Variants in STIM2 observed in about 807,000 individuals in gnomAD.
The protein encoded by STIM2 is stromal interaction molecule 2.
STIM2 carries 31 observed loss-of-function variants against 85.8 expected under a neutral mutation model. The observed-to-expected ratio is 0.36, with a 90% CI of 0.27 to 0.49. The LOEUF is 0.49. Ranked by LOEUF, STIM2 falls within the 20% of genes least tolerant of loss-of-function variation. STIM2 has a pLI of 0.98. For synonymous variants in STIM2, 356 were observed against 331.1 expected, an observed-to-expected ratio of 1.08 and a Z score of -0.82; for missense variants, 841 against 927.6, an observed-to-expected ratio of 0.91 and a Z score of 1.21.
chr4:26,957,733 C>T lies in STIM2; in HGVS notation c.397+7C>T. On this transcript the variant is annotated splice_region_variant and intron_variant, in intron 3 of 11. Coordinates refer to ENST00000467087, the MANE Select transcript of STIM2 (RefSeq NM_020860.4). Reference sequence around the variant, plus strand: ...CGATGGAAAACATCAGAAGGTAAGACTGCCTTTGTGATCTGGCCCCCTCCC... The same window carrying T: ...CGATGGAAAACATCAGAAGGTAAGATTGCCTTTGTGATCTGGCCCCCTCCC... The T allele has an allele frequency of 6.4e-7, 1 of 1,569,178 alleles. No homozygotes were observed. Among genetic ancestry groups the T allele is most frequent in the South Asian group, 1.2e-5 (1 of 86,578 alleles).
At chr4:26,897,025 A>G (rs976600349) in intron 1 of STIM2, among the ~76,000 whole-genome samples, 2 of 152,180 alleles carry the variant, frequency 1.3e-5, no homozygotes, top group African/African-American at 4.8e-5. Flanking sequence ...GAGAGTATCA[A>G]TTGTTTGTTC....
At chr4:26,876,837 A>C (rs184750608) in intron 1 of STIM2, among the ~76,000 whole-genome samples, 3 of 152,026 alleles carry the variant, frequency 2.0e-5, no homozygotes, top group Admixed American at 6.5e-5. Context: ...GTTTATTTTC[A>C]TGTGGAGATG....
At chr4:26,980,964 G>T (rs1727364714) in intron 3 of STIM2, among the ~76,000 whole-genome samples, 1 of 152,148 alleles carries the variant, frequency 6.6e-6, no homozygotes, top group African/African-American at 2.4e-5. Context: ...GGCACGAAAA[G>T]ATGTTTGAAC....
chr4:26,908,262 A>G (rs1044122791), intron 1 of STIM2, among the ~76,000 whole-genome samples: 1 of 152,082 alleles, frequency 6.6e-6, no homozygotes, highest in Non-Finnish European at 1.5e-5. Flanking sequence ...AAACTAGAAA[A>G]CCTTTTTCTT....
At chr4:26,933,294 G>T (rs1046967765) in intron 2 of STIM2, among the ~76,000 whole-genome samples, 1 of 152,106 alleles carries the variant, frequency 6.6e-6, no homozygotes, top group African/African-American at 2.4e-5. Flanking sequence ...GGGGAAGTTG[G>T]AAAGTTAACA....
chr4:27,000,942 T>A (rs139868070), intron 5 of STIM2, among the ~76,000 whole-genome samples: 1 of 152,164 alleles, frequency 6.6e-6, no homozygotes, highest in Admixed American at 6.6e-5. Context: ...GAATTGAACA[T>A]CTCAGTGTGA....
chr4:26,871,730 A>T (rs1577406274), intron 1 of STIM2, among the ~76,000 whole-genome samples: 1 of 135,754 alleles, frequency 7.4e-6, no homozygotes, highest in Non-Finnish European at 1.5e-5. Context: ...TTTGGTAGAG[A>T]CAGAGTCTGA....
intron 3 of STIM2, among the ~76,000 whole-genome samples, chr4:26,978,724 C>T (rs190354801): frequency 1.6e-4 from 25 of 152,090 alleles, no homozygotes; most frequent in African/African-American, 5.6e-4. Context: ...CTGCCTACTC[C>T]GGGTGATTTG....
chr4:26,909,413 G>A (rs1724250206), intron 1 of STIM2, among the ~76,000 whole-genome samples: 1 of 152,214 alleles, frequency 6.6e-6, no homozygotes, highest in Non-Finnish European at 1.5e-5. Flanking sequence ...GTGGCAGGGT[G>A]AGAATGAATT....
At chr4:26,872,325 T>C (rs1339980718) in intron 1 of STIM2, among the ~76,000 whole-genome samples, 1 of 152,164 alleles carries the variant, frequency 6.6e-6, no homozygotes, top group Non-Finnish European at 1.5e-5. Flanking sequence ...ATTAGTTGTA[T>C]CATAAGCCTG....
intron 1 of STIM2, among the ~76,000 whole-genome samples, chr4:26,868,028 T>G (rs1268366802): frequency 6.6e-6 from 1 of 152,252 alleles, no homozygotes; most frequent in Non-Finnish European, 1.5e-5. Flanking sequence ...ACAAGCATCA[T>G]GGCTGCAGTC....
intron 3 of STIM2, among the ~76,000 whole-genome samples, chr4:26,984,666 T>C (rs1007108010): frequency 3.9e-5 from 6 of 152,152 alleles, no homozygotes; most frequent in African/African-American, 1.4e-4. Flanking sequence ...GCACCCAGCC[T>C]TCAATTTCTA....
rs572155501 is a variant in STIM2, at chr4:26,965,716, C to T, written c.397+7990C>T. On this transcript the variant is annotated intron_variant, in intron 3 of 11. Coordinates refer to ENST00000467087, the MANE Select transcript of STIM2 (RefSeq NM_020860.4). ...GTGTTTTGGAGATTTTGGATCATTG[C>T]ATATGCTGATTTGCTGGGATTAATT... 2.0e-5 allele frequency among the ~76,000 whole-genome samples: 3 copies of T among 152,192 alleles called. No homozygotes were observed. In the South Asian group the frequency reaches 6.2e-4, roughly 32 times the overall value.
intron 7 of STIM2, among the ~76,000 whole-genome samples, chr4:27,005,528 T>G (rs1360976807): frequency 6.6e-6 from 1 of 152,222 alleles, no homozygotes; most frequent in East Asian, 1.9e-4. Context: ...ATGTAAATAA[T>G]TATTACATTT....
chr4:26,970,247 G>GTA (rs1420457972), intron 3 of STIM2, among the ~76,000 whole-genome samples: 5 of 24,354 alleles, frequency 2.1e-4, no homozygotes, highest in Non-Finnish European at 4.0e-4. Context: ...ATATATATAT[G>GTA]TATGTATTTT....
chr4:26,972,049 A>G (rs1331968656), intron 3 of STIM2, among the ~76,000 whole-genome samples: 1 of 151,976 alleles, frequency 6.6e-6, no homozygotes, highest in Admixed American at 6.6e-5. Context: ...TTTGTCTGTT[A>G]CTGGTGTATA....
intron 2 of STIM2, among the ~76,000 whole-genome samples, chr4:26,933,946 C>A (rs902833742): frequency 1.3e-5 from 2 of 152,120 alleles, no homozygotes; most frequent in African/African-American, 4.8e-5. Context: ...GTAATCCCAG[C>A]ACTTTGGGAG....
At chr4:27,005,746 A>G (rs1231786133) in intron 7 of STIM2, among the ~76,000 whole-genome samples, 5 of 152,234 alleles carry the variant, frequency 3.3e-5, no homozygotes, top group Non-Finnish European at 7.3e-5. Flanking sequence ...TTGGCAATCA[A>G]TCTGAACATT....
At chr4:26,938,061 A>T (rs577085410) in intron 2 of STIM2, among the ~76,000 whole-genome samples, 1 of 152,074 alleles carries the variant, frequency 6.6e-6, no homozygotes, top group South Asian at 2.1e-4. Flanking sequence ...AGCTTTTAAA[A>T]TTTTTAAATA....
Sources: allele counts gnomAD v4.1 joint callset (sites outside exome capture counted in the v4.1 genomes callset), GRCh38; gene constraint gnomAD v4.1.1; transcripts MANE v1.5; gene names NCBI Gene and HGNC (gene_info 2026-07-23, HGNC 2026-07-21).